CARS1: variants seen among roughly 807,000 people sequenced by gnomAD.
CARS1 encodes the protein cysteine--tRNA ligase, cytoplasmic.
CARS1 carries 48 observed loss-of-function variants against 106.2 expected under a neutral mutation model. The ratio of observed to expected loss-of-function variants is 0.45; its 90% CI spans 0.36 to 0.57. CARS1 has a LOEUF of 0.57. Among genes scored for constraint, CARS1 ranks in the 20% least tolerant of loss-of-function variants. The pLI is 0.00. For synonymous variants in CARS1, 409 were observed against 403.4 expected, an observed-to-expected ratio of 1.01 and a Z score of -0.17; for missense variants, 968 against 1,057.2, an observed-to-expected ratio of 0.92 and a Z score of 1.17.
At chr11:3,012,323 A>G (rs1850560834) in intron 17 of CARS1, 47 bp from the exon 18 acceptor site, 1 of 1,525,318 alleles carries the variant, frequency 6.6e-7, no homozygotes, top group Non-Finnish European at 9.1e-7. Flanking sequence ...TCACACTCCC[A>G]TATTCATAAC....
intron 7 of CARS1, among the ~76,000 whole-genome samples, chr11:3,035,134 C>A (rs1401246244): frequency 6.6e-6 from 1 of 152,196 alleles, no homozygotes. Context: ...CCTCTTAATA[C>A]TGTTACACTA....
chr11:3,017,995 T>G lies in CARS1; in HGVS notation c.1630-41A>C. On this transcript the variant is annotated intron_variant, in intron 14 of 22. Coordinates refer to ENST00000380525, the MANE Select transcript of CARS1 (RefSeq NM_001014437.3). The surrounding 1 kb of genome is among the most constrained non-coding windows in gnomAD (Gnocchi z 4.9). ...TCAGTTTAACAGCATTTAGGCAACT[T>G]TTCCATCCTGAAATATCTGTTACAA... 7.5e-7 allele frequency: 1 copy of G among 1,328,832 alleles called. No homozygotes were observed. The highest frequency in any genetic ancestry group is 1.1e-6 in the Non-Finnish European group (1 of 926,138). The allele number at this position is 1,328,832 out of a possible 1,614,324, so 82.3% of individuals were successfully genotyped here. A position where few individuals can be genotyped will look rare whatever the true frequency, so the allele number is the denominator to read the frequency against.
chr11:3,026,435 C>T (rs755355597), intron 10 of CARS1, among the ~76,000 whole-genome samples: 3 of 152,196 alleles, frequency 2.0e-5, no homozygotes, highest in South Asian at 2.1e-4. Context: ...TGTATTAAGA[C>T]ATCACATGTT....
At position 3,002,044 on chromosome 11, in the gene CARS1, G is replaced by A; in HGVS notation, c.2287C>T (p.Leu763=). 1 of 1,612,432 alleles carries A rather than the reference G, an allele frequency of 6.2e-7. No homozygotes were observed. The change falls in exon 22 of 23, where the codon CTG becomes TTG. Residue 763 remains leucine, a synonymous_variant. Coordinates refer to ENST00000380525, the MANE Select transcript of CARS1 (RefSeq NM_001014437.3). ...RRKQEQEAAK[L]AKMKIPPSEM... ...CTGGGGGGAATCTTCATCTTGGCCA[G>A]CTTTGCTGCCTAGAACACGCAACAC...
Position 3,001,120 on chromosome 11 carries a change from G to C in CARS1, c.2490C>G (p.Phe830Leu), listed in dbSNP as rs1425583690. The change falls in exon 23 of 23, where the codon TTC becomes TTG. Residue 830 changes from phenylalanine (F) to leucine (L), a missense_variant. Phe to Leu is a conservative substitution (Grantham distance 22). Coordinates refer to ENST00000380525, the MANE Select transcript of CARS1 (RefSeq NM_001014437.3). ...AAGTCAGTCCTGTGCCCCCTCACTG[G>C]AAGCTTCCATTCTGGGCCATCTGCA... Reference protein sequence around the residue: ...EYLQMAQNGSFQ With the variant: ...EYLQMAQNGSLQ The C allele has an allele frequency of 1.1e-5, 17 of 1,613,860 alleles. No homozygotes were observed. The South Asian group carries it at 1.9e-4, about 18-fold the overall frequency.
At chr11:3,033,665 A>T (rs1024402365) in intron 7 of CARS1, among the ~76,000 whole-genome samples, 1 of 152,244 alleles carries the variant, frequency 6.6e-6, no homozygotes, top group Non-Finnish European at 1.5e-5. Flanking sequence ...AAAACAGAAT[A>T]AATCCAAAGG....
At position 3,008,438 on chromosome 11, in the gene CARS1, G is replaced by A. The variant is rs1281781416; in HGVS notation, c.2069-1479C>T. ...GATCGAGACCATCCTGGCCAACATGGTGAAACCCCATCTCTACTAAAAATA... is the reference window on the plus strand; with the variant it reads ...GATCGAGACCATCCTGGCCAACATGATGAAACCCCATCTCTACTAAAAATA... On this transcript the variant is annotated intron_variant, in intron 18 of 22. Transcript: ENST00000380525. This position sits in a 1 kb window ranked among gnomAD's most constrained non-coding sequence, Gnocchi z 5.1. 4 of 152,124 alleles carry A rather than the reference G, an allele frequency of 2.6e-5. No homozygotes were observed. The highest frequency in any genetic ancestry group is 4.4e-5 in the Non-Finnish European group (3 of 68,050). The allele number at this position is 152,124 out of a possible 1,614,324, so 9.4% of individuals were successfully genotyped here. A position where few individuals can be genotyped will look rare whatever the true frequency, so the allele number is the denominator to read the frequency against.
intron 1 of CARS1, among the ~76,000 whole-genome samples, chr11:3,054,603 T>C (rs565654880): frequency 1.3e-5 from 2 of 152,084 alleles, no homozygotes; most frequent in Non-Finnish European, 1.5e-5. Context: ...AAGGTCCCTA[T>C]TGAGTCAGGC....
rs1342618120 is a variant in CARS1, at chr11:3,037,341, AGGTGGGGCCAGGGCAGT to A, written c.801+692_801+708del. Among the ~76,000 whole-genome samples the A allele has an allele frequency of 6.6e-6, 1 of 152,226 alleles. No individual in the cohort carries two copies. Among genetic ancestry groups the A allele is most frequent in the Non-Finnish European group, 1.5e-5 (1 of 68,026 alleles). On this transcript the variant is annotated intron_variant, in intron 7 of 22. Transcript: ENST00000380525. This position sits in a 1 kb window ranked among gnomAD's most constrained non-coding sequence, Gnocchi z 5.9. ...ACACAGACTCCCTGCCCCATCACTG[AGGTGGGGCCAGGGCAGT>A]GGTGAGGGAAGGCAGGGCTGCGGCC...
chr11:3,039,876 C>G lies in CARS1; in HGVS notation c.511G>C (p.Asp171His). ...GTAATGTTCATGCAATAAAAGACAT[C>G]AAATTTGAAGTAATCCTTCAACACT... ...RRVLKDYFKF[D>H]VFYCMNITDI... The change falls in exon 5 of 23, where the codon GAT (aspartate) becomes CAT (histidine). Residue 171 changes from aspartate to histidine, a missense_variant. Coordinates refer to ENST00000380525, the MANE Select transcript of CARS1 (RefSeq NM_001014437.3). The surrounding 1 kb of genome is among the most constrained non-coding windows in gnomAD (Gnocchi z 5.6). 1.3e-6 allele frequency: 2 copies of G among 1,590,376 alleles called. No individual in the cohort carries two copies. The highest frequency in any genetic ancestry group is 2.3e-5 in the East Asian group (1 of 44,290).
rs1259479058 is a variant in CARS1, at chr11:3,030,568, C to T, written c.802-1125G>A. 6.6e-6 allele frequency: 1 copy of T among 152,222 alleles called. No individual in the cohort carries two copies. The highest frequency in any genetic ancestry group is 1.9e-4 in the East Asian group (1 of 5,192). The allele number at this position is 152,222 out of a possible 1,614,324, so 9.4% of individuals were successfully genotyped here. A position where few individuals can be genotyped will look rare whatever the true frequency, so the allele number is the denominator to read the frequency against. The stretch of plus-strand genomic sequence containing the variant: ...CGCGCATCCTGGCCCTCAGGATCAC[C>T]AAGGTCACGACCCAGCAAGAACCGA... On this transcript the variant is annotated intron_variant, in intron 7 of 22. Coordinates refer to ENST00000380525, the MANE Select transcript of CARS1 (RefSeq NM_001014437.3). This position sits in a 1 kb window ranked among gnomAD's most constrained non-coding sequence, Gnocchi z 5.7.
At chr11:3,005,335 A>G in intron 20 of CARS1, 31 bp downstream of exon 20, 1 of 1,515,430 alleles carries the variant, frequency 6.6e-7, no homozygotes, top group South Asian at 1.1e-5. Context: ...TTCAACAAAT[A>G]TCACGCTTAA....
chr11:3,053,796 C>G lies in CARS1; in HGVS notation c.25+3547G>C, dbSNP rs1223001602. On this transcript the variant is annotated intron_variant, in intron 1 of 22. Coordinates refer to ENST00000380525, the MANE Select transcript of CARS1 (RefSeq NM_001014437.3). The surrounding 1 kb of genome is among the most constrained non-coding windows in gnomAD (Gnocchi z 6.6). ...ACCCCTTTACAGCAGGTCTGAGCTC[C>G]TAATAAGTGCCCCGGTTTGGTGGGG... Among the ~76,000 whole-genome samples the G allele has an allele frequency of 2.6e-5, 4 of 152,198 alleles. No individual in the cohort carries two copies.
Position 3,017,275 on chromosome 11 carries a change from G to C in CARS1, c.1748C>G (p.Ala583Gly). Residue 583 changes from alanine to glycine, a missense_variant, in exon 16 of 23, where the codon GCA becomes GGA. By Grantham distance (60) the Ala-to-Gly change is moderately conservative. Transcript: ENST00000380525. This position sits in a 1 kb window ranked among gnomAD's most constrained non-coding sequence, Gnocchi z 4.9. ...LNKNFYDKKT[A>G]IHKALCDNVD... ...ATTGTCACAGAGGGCTTTGTGAATT[G>C]CTGTCTTCTTGTCATAAAAGCTGAG... 1 of 1,613,850 alleles carries C rather than the reference G, an allele frequency of 6.2e-7. No homozygotes were observed. The highest frequency in any genetic ancestry group is 8.5e-7 in the Non-Finnish European group (1 of 1,179,752).
In CARS1 at chr11:3,019,342, T is replaced by G; in HGVS notation, c.1267-75A>C. The G allele has an allele frequency of 2.3e-6, 3 of 1,320,066 alleles. No homozygotes were observed. The South Asian group carries it at 7.7e-5, about 34-fold the overall frequency. The allele number at this position is 1,320,066 out of a possible 1,614,324, so 81.8% of individuals were successfully genotyped here. ...GGCCTTTATCACTTATCACTCCAAGTTGATGGCCCTTACATCCTCTGAACT... is the reference window on the plus strand; with the variant it reads ...GGCCTTTATCACTTATCACTCCAAGGTGATGGCCCTTACATCCTCTGAACT... On this transcript the variant is annotated intron_variant, in intron 11 of 22. Transcript: ENST00000380525. The surrounding 1 kb of genome is among the most constrained non-coding windows in gnomAD (Gnocchi z 6.2).
rs1403004920 is a variant in CARS1, at chr11:3,040,537, G to T, written c.455+359C>A. On this transcript the variant is annotated intron_variant, in intron 4 of 22. Coordinates refer to ENST00000380525, the MANE Select transcript of CARS1 (RefSeq NM_001014437.3). This position sits in a 1 kb window ranked among gnomAD's most constrained non-coding sequence, Gnocchi z 5.8. ...AGCCAACCCAGCGTCAGGCCTGTCA[G>T]GTCTGAGTGTCACGGGAACTCAGCA... The T allele has an allele frequency of 2.0e-6, 1 of 492,614 alleles. No homozygotes were observed. The highest frequency in any genetic ancestry group is 4.0e-6 in the Non-Finnish European group (1 of 251,462). 30.5% of individuals were successfully genotyped at this position (492,614 alleles called of 1,614,324 possible).
At position 3,007,208 on chromosome 11, in the gene CARS1, TG is replaced by T. The variant is rs776347629; in HGVS notation, c.2069-250del. On this transcript the variant is annotated intron_variant, in intron 18 of 22. Coordinates refer to ENST00000380525, the MANE Select transcript of CARS1 (RefSeq NM_001014437.3). ...TCTCCCGTAAGCCCAGGGGCTGTTC[TG>T]GGGGTGCAGGGCAGAGCCAGGAGGA... The T allele has an allele frequency of 7.1e-6, 4 of 560,854 alleles. No individual in the cohort carries two copies. The South Asian group carries it at 9.3e-5, about 13-fold the overall frequency. 34.7% of individuals were successfully genotyped at this position (560,854 alleles called of 1,614,324 possible).
chr11:3,026,398 T>A (rs1407900546), intron 10 of CARS1, among the ~76,000 whole-genome samples: 1 of 152,214 alleles, frequency 6.6e-6, no homozygotes, highest in Non-Finnish European at 1.5e-5. Context: ...GCATCCTAAC[T>A]ACCCCGATCA....
Position 3,048,006 on chromosome 11 carries a change from A to G in CARS1, c.26-5T>C. 1 of 1,611,262 alleles carries G rather than the reference A, an allele frequency of 6.2e-7. No homozygotes were observed. Among genetic ancestry groups the G allele is most frequent in the Non-Finnish European group, 8.5e-7 (1 of 1,178,000 alleles). On this transcript the variant is annotated splice_region_variant and splice_polypyrimidine_tract_variant and intron_variant, in intron 1 of 22. Transcript: ENST00000380525. This position sits in a 1 kb window ranked among gnomAD's most constrained non-coding sequence, Gnocchi z 5.1. ...GAATGGACCTGTAGTCAGGAGCTGC[A>G]AAGACAGAGGGCACATGGTGTCAGG...
Sources: allele counts gnomAD v4.1 joint callset (sites outside exome capture counted in the v4.1 genomes callset), GRCh38; gene constraint gnomAD v4.1.1; non-coding constraint Gnocchi (gnomAD v3.1); transcripts MANE v1.5; gene names NCBI Gene and HGNC (gene_info 2026-07-23, HGNC 2026-07-21).